C12orf50: variants seen among roughly 807,000 people sequenced by gnomAD.
C12orf50 encodes uncharacterized protein C12orf50.
C12orf50 carries 35 observed loss-of-function variants against 61.6 expected under a neutral mutation model. That is an observed-to-expected ratio of 0.57 (90% CI 0.43 to 0.75). C12orf50 has a LOEUF of 0.75. Among genes scored for constraint, C12orf50 ranks in the 30% least tolerant of loss-of-function variants. C12orf50 has a pLI of 0.00. For synonymous variants in C12orf50, 178 were observed against 161.5 expected (o/e 1.10, Z -0.77); for missense variants, 475 against 488.5 (o/e 0.97, Z 0.26).
At chr12:88,022,237 T>C (rs2032543008) in intron 3 of C12orf50, among the ~76,000 whole-genome samples, 2 of 150,932 alleles carry the variant, frequency 1.3e-5, no homozygotes, top group African/African-American at 2.4e-5. Context: ...GAACTAAAAG[T>C]AAAAACCATA....
At chr12:88,005,912 G>GTT (rs371924944) in intron 3 of C12orf50, among the ~76,000 whole-genome samples, 1,215 of 90,910 alleles carry the variant, frequency 0.013, 19 homozygotes, top group African/African-American at 0.023. Flanking sequence ...TGTTTTTTTG[G>GTT]TTTTTTTTTT....
intron 11 of C12orf50, chr12:87,984,309 G>T (rs1203407298): frequency 6.6e-6 from 1 of 152,096 alleles, no homozygotes; most frequent in Non-Finnish European, 1.5e-5. Flanking sequence ...CAGATGAGTA[G>T]GTTGCATGGT....
chr12:87,981,500 G>A (rs186528783), intron 12 of C12orf50, among the ~76,000 whole-genome samples: 9 of 152,240 alleles, frequency 5.9e-5, no homozygotes, highest in Admixed American at 3.3e-4. Flanking sequence ...AAGCTCCCAG[G>A]TGATGTCATT....
At position 87,998,093 on chromosome 12, in the gene C12orf50, G is replaced by A; in HGVS notation, c.231C>T (p.His77=). Residue 77 remains histidine (H), a synonymous_variant, in exon 4 of 13, where the codon CAC becomes CAT. Coordinates refer to ENST00000298699, the MANE Select transcript of C12orf50 (RefSeq NM_152589.3). ...KPQENISRPI[H]HPLVLKTNFE... ...AATTAGTTTTTAAAACTAAAGGATGGTGGATGGGTCGTGATATATTTTCCT... is the reference window on the plus strand; with the variant it reads ...AATTAGTTTTTAAAACTAAAGGATGATGGATGGGTCGTGATATATTTTCCT... 6.2e-7 allele frequency: 1 copy of A among 1,612,908 alleles called. No homozygotes were observed. The highest frequency in any genetic ancestry group is 8.5e-7 in the Non-Finnish European group (1 of 1,179,376).
At chr12:88,013,784 A>G (rs1444716708) in intron 3 of C12orf50, among the ~76,000 whole-genome samples, 1 of 152,094 alleles carries the variant, frequency 6.6e-6, no homozygotes, top group Admixed American at 6.6e-5. Flanking sequence ...AGTTGGGGGG[A>G]AAACAAAAGT....
chr12:88,026,178 T>C (rs958222307), intron 3 of C12orf50, among the ~76,000 whole-genome samples: 1 of 152,192 alleles, frequency 6.6e-6, no homozygotes, highest in African/African-American at 2.4e-5. Context: ...AGTTGTGCGA[T>C]ACTTTGCTGA....
At chr12:88,015,591 T>C (rs1442414357) in intron 3 of C12orf50, among the ~76,000 whole-genome samples, 3 of 152,162 alleles carry the variant, frequency 2.0e-5, no homozygotes, top group Non-Finnish European at 2.9e-5. Context: ...TTAAAACAAG[T>C]TTGTCTAAGA....
chr12:88,006,669 A>T (rs2031896795), intron 3 of C12orf50, among the ~76,000 whole-genome samples: 2 of 152,184 alleles, frequency 1.3e-5, no homozygotes, highest in African/African-American at 4.8e-5. Flanking sequence ...CTTTTGCTTT[A>T]TGCTTGGGGC....
intron 3 of C12orf50, among the ~76,000 whole-genome samples, chr12:88,023,371 A>G (rs1000999230): frequency 6.6e-6 from 1 of 152,128 alleles, no homozygotes; most frequent in East Asian, 1.9e-4. Flanking sequence ...GATAGATTAA[A>G]GACTTAAATG....
intron 7 of C12orf50, among the ~76,000 whole-genome samples, chr12:87,990,546 A>G (rs2031069819): frequency 6.6e-6 from 1 of 152,176 alleles, no homozygotes; most frequent in African/African-American, 2.4e-5. Flanking sequence ...CTGATTGGAA[A>G]ACAACCCAAT....
chr12:88,016,817 A>T (rs1215353437), intron 3 of C12orf50, among the ~76,000 whole-genome samples: 1 of 152,204 alleles, frequency 6.6e-6, no homozygotes, highest in Non-Finnish European at 1.5e-5. Context: ...ATATTAAACC[A>T]GTAAATTATA....
chr12:88,020,531 C>G (rs765041965), intron 3 of C12orf50, among the ~76,000 whole-genome samples: 7 of 152,240 alleles, frequency 4.6e-5, no homozygotes, highest in Non-Finnish European at 7.4e-5. Flanking sequence ...GCACCCAGAT[C>G]CATAAAGCAA....
At chr12:87,994,606 G>T in intron 7 of C12orf50, 27 bp downstream of exon 7, 1 of 1,414,334 alleles carries the variant, frequency 7.1e-7, no homozygotes, top group Non-Finnish European at 1.0e-6. Context: ...GATATATTCA[G>T]GGTCAATCAG....
intron 12 of C12orf50, among the ~76,000 whole-genome samples, chr12:87,980,898 C>G (rs2030432918): frequency 6.6e-6 from 1 of 152,132 alleles, no homozygotes. Context: ...CTCCTTTCCT[C>G]CAGTAGTCCA....
chr12:87,985,667 A>G (rs1271943897), intron 11 of C12orf50, 183 bp downstream of exon 11: 1 of 646,926 alleles, frequency 1.5e-6, no homozygotes, highest in South Asian at 2.0e-5. Flanking sequence ...GTTTTCTTCC[A>G]TATCCTTTAA....
intron 3 of C12orf50, among the ~76,000 whole-genome samples, chr12:88,010,192 C>G (rs1416439649): frequency 6.6e-6 from 1 of 151,960 alleles, no homozygotes; most frequent in African/African-American, 2.4e-5. Context: ...TATCCTGTGG[C>G]CAGTGCTAGA....
intron 3 of C12orf50, among the ~76,000 whole-genome samples, chr12:88,017,674 G>A (rs2032361989): frequency 6.6e-6 from 1 of 152,154 alleles, no homozygotes; most frequent in Non-Finnish European, 1.5e-5. Flanking sequence ...TTGTTGAATG[G>A]CTTTGACCAA....
intron 7 of C12orf50, among the ~76,000 whole-genome samples, chr12:87,989,872 G>A (rs2031036915): frequency 6.6e-6 from 1 of 152,064 alleles, no homozygotes; most frequent in Admixed American, 6.6e-5. Context: ...ACACCCAAAT[G>A]TGAACTAAGC....
At chr12:87,995,592 C>A (rs2031349485) in intron 6 of C12orf50, among the ~76,000 whole-genome samples, 1 of 152,150 alleles carries the variant, frequency 6.6e-6, no homozygotes, top group Non-Finnish European at 1.5e-5. Context: ...CCTTTTAAAG[C>A]ATAATATAAA....
Sources: allele counts gnomAD v4.1 joint callset (sites outside exome capture counted in the v4.1 genomes callset), GRCh38; gene constraint gnomAD v4.1.1; transcripts MANE v1.5; gene names NCBI Gene and HGNC (gene_info 2026-07-23, HGNC 2026-07-21).